GABRG3: variants seen among roughly 807,000 people sequenced by gnomAD.
GABRG3 encodes gamma-aminobutyric acid type A receptor subunit gamma3, also known as gamma-aminobutyric acid receptor subunit gamma-3.
A neutral mutation model predicts 48.8 loss-of-function variants in GABRG3; 25 were observed. The ratio of observed to expected loss-of-function variants is 0.51; its 90% CI spans 0.37 to 0.72. GABRG3 has a LOEUF of 0.72. Among genes scored for constraint, GABRG3 ranks in the 30% least tolerant of loss-of-function variants. The pLI, the probability that GABRG3 is intolerant of heterozygous loss-of-function variation, is 0.00. For synonymous variants in GABRG3, 227 were observed against 217.6 expected, an observed-to-expected ratio of 1.04 and a Z score of -0.38; for missense variants, 394 against 577.9, an observed-to-expected ratio of 0.68 and a Z score of 3.26.
intron 3 of GABRG3, among the ~76,000 whole-genome samples, chr15:27,227,730 A>C (rs1449539089): frequency 6.6e-6 from 1 of 152,026 alleles, no homozygotes; most frequent in African/African-American, 2.4e-5. Flanking sequence ...TTTTATCTAC[A>C]AAATTTAATT....
intron 2 of GABRG3, among the ~76,000 whole-genome samples, chr15:27,008,635 C>CT (rs5811470): frequency 0.3 from 44,113 of 148,524 alleles, 7,271 homozygotes; most frequent in South Asian, 0.42. Context: ...GTGCTGGCAG[C>CT]TTTTTTTTTT....
At chr15:27,286,134 C>T (rs928206386) in intron 3 of GABRG3, among the ~76,000 whole-genome samples, 1 of 152,236 alleles carries the variant, frequency 6.6e-6, no homozygotes, top group African/African-American at 2.4e-5. Context: ...ATTCAACTTT[C>T]ATTCACTCAT....
At chr15:27,074,872 A>T (rs933373899) in intron 3 of GABRG3, among the ~76,000 whole-genome samples, 1 of 152,146 alleles carries the variant, frequency 6.6e-6, no homozygotes, top group African/African-American at 2.4e-5. Context: ...GTTGGTTTTT[A>T]AAGAGTTGGA....
chr15:27,152,955 G>A (rs192808337), intron 3 of GABRG3, among the ~76,000 whole-genome samples: 4,195 of 151,628 alleles, frequency 0.028, 203 homozygotes, highest in African/African-American at 0.096. Context: ...CCGCCTCCCG[G>A]GTTCACGCCG....
intron 3 of GABRG3, among the ~76,000 whole-genome samples, chr15:27,053,051 A>C (rs1896481609): frequency 6.6e-6 from 1 of 152,236 alleles, no homozygotes; most frequent in Admixed American, 6.5e-5. Flanking sequence ...ACATCAAAAT[A>C]ACAAAATCCT....
chr15:27,102,146 TC>T (rs1897372204), intron 3 of GABRG3, among the ~76,000 whole-genome samples: 1 of 152,220 alleles, frequency 6.6e-6, no homozygotes, highest in Non-Finnish European at 1.5e-5. Flanking sequence ...GCTCTGTGTT[TC>T]AGCAAGGCCC....
At chr15:27,129,803 A>G (rs1270055273) in intron 3 of GABRG3, among the ~76,000 whole-genome samples, 3 of 151,652 alleles carry the variant, frequency 2.0e-5, no homozygotes. Flanking sequence ...AACTACTGAT[A>G]CTGCACAACC....
At chr15:27,267,328 A>T (rs1277303046) in intron 3 of GABRG3, among the ~76,000 whole-genome samples, 1 of 152,010 alleles carries the variant, frequency 6.6e-6, no homozygotes. Context: ...GCTGGTCACG[A>T]ACTGCCAACC....
chr15:27,501,163 G>C (rs899924306), intron 6 of GABRG3, among the ~76,000 whole-genome samples: 1 of 152,062 alleles, frequency 6.6e-6, no homozygotes, highest in Non-Finnish European at 1.5e-5. Flanking sequence ...GTGTTAACCA[G>C]GATGGTCTCG....
At chr15:27,450,115 G>T (rs986220341) in intron 5 of GABRG3, among the ~76,000 whole-genome samples, 13 of 152,262 alleles carry the variant, frequency 8.5e-5, no homozygotes, top group African/African-American at 3.1e-4. Context: ...CTGTTTTCTG[G>T]CAGACACACA....
intron 5 of GABRG3, among the ~76,000 whole-genome samples, chr15:27,384,980 T>TG (rs1285383907): frequency 3.3e-5 from 5 of 152,190 alleles, no homozygotes; most frequent in African/African-American, 1.2e-4. Flanking sequence ...TTTTCATACT[T>TG]GCATACATCT....
At chr15:27,252,536 G>A (rs2140460899) in intron 3 of GABRG3, among the ~76,000 whole-genome samples, 1 of 152,340 alleles carries the variant, frequency 6.6e-6, no homozygotes, top group South Asian at 2.1e-4. Flanking sequence ...GGGGATACTA[G>A]CGCCGTCTGT....
At chr15:27,416,571 G>A (rs79198603) in intron 5 of GABRG3, among the ~76,000 whole-genome samples, 2 of 152,220 alleles carry the variant, frequency 1.3e-5, no homozygotes, top group African/African-American at 2.4e-5. Context: ...GTAGAGCTTC[G>A]GCAGGTAAAA....
chr15:27,355,891 AT>A (rs1894820965), intron 5 of GABRG3, among the ~76,000 whole-genome samples: 2 of 152,248 alleles, frequency 1.3e-5, no homozygotes, highest in Admixed American at 1.3e-4. Context: ...TTCCACTTAT[AT>A]GAAATACCTA....
intron 5 of GABRG3, among the ~76,000 whole-genome samples, chr15:27,417,123 G>C (rs1887961647): frequency 6.6e-6 from 1 of 152,182 alleles, no homozygotes; most frequent in South Asian, 2.1e-4. Flanking sequence ...ATTGGGAACT[G>C]TGGGTGCTGC....
chr15:27,172,291 G>T (rs1228453850), intron 3 of GABRG3, among the ~76,000 whole-genome samples: 1 of 152,166 alleles, frequency 6.6e-6, no homozygotes, highest in African/African-American at 2.4e-5. Flanking sequence ...CTTTGCACAG[G>T]TCCTTGGAGT....
chr15:27,308,382 T>C lies in GABRG3; in HGVS notation c.271-18427T>C, dbSNP rs1420377723. Among the ~76,000 whole-genome samples, 3 of 143,808 alleles carry C rather than the reference T, an allele frequency of 2.1e-5. No individual in the cohort carries two copies. In the East Asian group the frequency reaches 6.4e-4, roughly 31 times the overall value. 94.3% of individuals were successfully genotyped at this position (143,808 alleles called of 152,430 possible). Reference sequence around the variant, plus strand: ...ATATATAAACATATAAACATTTGTTTATATATAAACATATAATATAAACAT... The same window carrying C: ...ATATATAAACATATAAACATTTGTTCATATATAAACATATAATATAAACAT... On this transcript the variant is annotated intron_variant, in intron 3 of 9. Transcript: ENST00000615808.
At chr15:26,997,614 T>G (rs779174327) in intron 2 of GABRG3, among the ~76,000 whole-genome samples, 1 of 152,180 alleles carries the variant, frequency 6.6e-6, no homozygotes, top group Non-Finnish European at 1.5e-5. Context: ...TTATATTCAT[T>G]TTTTAGCCCA....
At chr15:26,983,699 AG>A (rs2140640398) in intron 2 of GABRG3, among the ~76,000 whole-genome samples, 1 of 152,284 alleles carries the variant, frequency 6.6e-6, no homozygotes, top group South Asian at 2.1e-4. Context: ...GCTTGAGTCC[AG>A]GAGTTCAAGG....
Sources: gnomAD v4.1 joint callset for allele counts (sites outside exome capture counted in the v4.1 genomes callset) on GRCh38, gnomAD v4.1.1 for gene constraint, MANE v1.5 for transcripts, NCBI Gene and HGNC (gene_info 2026-07-23, HGNC 2026-07-21) for gene names.